AKAP19: variants seen among roughly 807,000 people sequenced by gnomAD.
The protein encoded by AKAP19 is small A-kinase anchoring protein.
chr2:190,200,215 C>T, the AKAP19 span: 1 of 1,349,898 alleles, frequency 7.4e-7, no homozygotes, highest in East Asian at 2.3e-5. Context: ...AAAGCAAAAA[C>T]TGGTGTGAAA....
At chr2:190,017,973 C>A in the AKAP19 span, among the ~76,000 whole-genome samples, 24 of 152,164 alleles carry the variant, frequency 1.6e-4, no homozygotes, top group Non-Finnish European at 2.9e-4. Context: ...TATCATCCTG[C>A]TCTCTCATGG....
chr2:190,153,653 A>C, the AKAP19 span, among the ~76,000 whole-genome samples: 88,029 of 152,038 alleles, frequency 0.58, 26,204 homozygotes, highest in Middle Eastern at 0.69. Context: ...TAAATATAAA[A>C]ATAATTTTCC....
chr2:190,182,495 CT>C, the AKAP19 span, among the ~76,000 whole-genome samples: 2 of 152,224 alleles, frequency 1.3e-5, no homozygotes, highest in South Asian at 4.2e-4. Context: ...TTGTCTAACC[CT>C]AGGGTTACTG....
the AKAP19 span, among the ~76,000 whole-genome samples, chr2:190,173,595 C>G: frequency 6.6e-6 from 1 of 152,080 alleles, no homozygotes; most frequent in Non-Finnish European, 1.5e-5. Flanking sequence ...TAAAAATCTC[C>G]CTCATAGCTT....
the AKAP19 span, among the ~76,000 whole-genome samples, chr2:189,993,622 G>C: frequency 2.0e-5 from 3 of 152,088 alleles, no homozygotes; most frequent in Non-Finnish European, 4.4e-5. Flanking sequence ...CTGTGAGTCT[G>C]TCTGGTCCTG....
At chr2:189,996,198 A>G in the AKAP19 span, among the ~76,000 whole-genome samples, 1 of 152,246 alleles carries the variant, frequency 6.6e-6, no homozygotes, top group African/African-American at 2.4e-5. Flanking sequence ...TTTTCCAAAC[A>G]TTTAGATTCC....
chr2:189,932,647 A>C, the AKAP19 span, among the ~76,000 whole-genome samples: 1 of 151,100 alleles, frequency 6.6e-6, no homozygotes, highest in Non-Finnish European at 1.5e-5. Flanking sequence ...TCGAGGCTGC[A>C]GTGAGTCAGG....
At chr2:189,981,465 CT>C in the AKAP19 span, among the ~76,000 whole-genome samples, 1 of 151,956 alleles carries the variant, frequency 6.6e-6, no homozygotes, top group African/African-American at 2.4e-5. Flanking sequence ...CAATTAAGTA[CT>C]TGTGTCTTCT....
At chr2:190,112,327 A>C in the AKAP19 span, among the ~76,000 whole-genome samples, 1 of 152,172 alleles carries the variant, frequency 6.6e-6, no homozygotes, top group Non-Finnish European at 1.5e-5. Context: ...TCTAATTGTC[A>C]GAAAGAGGAA....
the AKAP19 span, among the ~76,000 whole-genome samples, chr2:189,951,111 C>G: frequency 6.7e-6 from 1 of 150,364 alleles, no homozygotes; most frequent in Non-Finnish European, 1.5e-5. Flanking sequence ...TTGTGACAAT[C>G]AAATCAGACT....
At chr2:189,912,362 G>A in the AKAP19 span, among the ~76,000 whole-genome samples, 1 of 152,000 alleles carries the variant, frequency 6.6e-6, no homozygotes, top group Non-Finnish European at 1.5e-5. Flanking sequence ...CCAACATGAC[G>A]AAACCCTTTC....
the AKAP19 span, among the ~76,000 whole-genome samples, chr2:190,057,868 C>G: frequency 6.6e-6 from 1 of 151,932 alleles, no homozygotes; most frequent in South Asian, 2.1e-4. Context: ...AGTACCATGT[C>G]TTTTTAAGTT....
chr2:190,093,832 T>C, the AKAP19 span, among the ~76,000 whole-genome samples: 6 of 152,256 alleles, frequency 3.9e-5, no homozygotes, highest in Admixed American at 2.6e-4. Context: ...GGGAATTTCT[T>C]GCCTTGGTAG....
chr2:189,923,505 A>T, the AKAP19 span: 2 of 1,613,890 alleles, frequency 1.2e-6, no homozygotes, highest in Admixed American at 1.7e-5. Context: ...TTCTTTCAGT[A>T]TGTTAATGAG....
the AKAP19 span, among the ~76,000 whole-genome samples, chr2:190,175,684 A>G: frequency 2.0e-5 from 3 of 152,218 alleles, no homozygotes; most frequent in East Asian, 5.8e-4. Flanking sequence ...GATAATGTCA[A>G]TCACTTCTCA....
chr2:189,984,433 A>G, the AKAP19 span, among the ~76,000 whole-genome samples: 1 of 152,198 alleles, frequency 6.6e-6, no homozygotes, highest in African/African-American at 2.4e-5. Context: ...ACCGGTGGTC[A>G]GATTTTAAGG....
At chr2:190,123,547 A>G in the AKAP19 span, among the ~76,000 whole-genome samples, 1 of 152,180 alleles carries the variant, frequency 6.6e-6, no homozygotes, top group African/African-American at 2.4e-5. Flanking sequence ...ATTTAATTTA[A>G]GTGCATTTTC....
chr2:189,897,279 A>G, the AKAP19 span, among the ~76,000 whole-genome samples: 1 of 152,138 alleles, frequency 6.6e-6, no homozygotes, highest in Non-Finnish European at 1.5e-5. Flanking sequence ...CTGTGCACCT[A>G]AGTATAACAA....
At chr2:190,007,037 A>G in the AKAP19 span, among the ~76,000 whole-genome samples, 2 of 152,178 alleles carry the variant, frequency 1.3e-5, no homozygotes, top group Non-Finnish European at 2.9e-5. Context: ...GAAAAAAAGA[A>G]TTTAAACAAG....
Sources: gnomAD v4.1 joint callset for allele counts (sites outside exome capture counted in the v4.1 genomes callset) on GRCh38, gnomAD v4.1.1 for gene constraint, MANE v1.5 for transcripts, NCBI Gene and HGNC (gene_info 2026-07-23, HGNC 2026-07-21) for gene names.